The following OSBPL10 variants were observed in gnomAD, a reference collection of about 807,000 sequenced individuals.
The protein encoded by OSBPL10 is oxysterol-binding protein-related protein 10.
OSBPL10 carries 49 observed loss-of-function variants against 81.7 expected under a neutral mutation model. That is an observed-to-expected ratio of 0.60 (90% CI 0.48 to 0.76). The LOEUF (loss-of-function observed/expected upper bound fraction) is 0.76, where lower values mean the gene tolerates loss of function less well. Among genes scored for constraint, OSBPL10 ranks in the 30% least tolerant of loss-of-function variants. OSBPL10 has a pLI of 0.00. For synonymous variants in OSBPL10, 419 were observed against 383.6 expected (o/e 1.09, Z -1.08); for missense variants, 923 against 987.8 (o/e 0.93, Z 0.88).
intron 2 of OSBPL10, chr3:32,030,764 T>A: frequency 1.6e-6 from 1 of 625,396 alleles, no homozygotes; most frequent in Non-Finnish European, 2.8e-6. Flanking sequence ...TTAAGTTACA[T>A]AAAATATTCT....
intron 2 of OSBPL10, among the ~76,000 whole-genome samples, chr3:31,995,491 T>C (rs921310038): frequency 6.6e-6 from 1 of 152,204 alleles, no homozygotes; most frequent in African/African-American, 2.4e-5. Flanking sequence ...TCAGACCTTA[T>C]GGTTGTCTTC....
intron 1 of OSBPL10, among the ~76,000 whole-genome samples, chr3:31,948,760 A>C (rs1173086618): frequency 6.6e-6 from 1 of 152,168 alleles, no homozygotes; most frequent in African/African-American, 2.4e-5. Flanking sequence ...AAAGGCCCCC[A>C]AATCAAGTTT....
intron 2 of OSBPL10, among the ~76,000 whole-genome samples, chr3:32,020,030 G>A (rs1430781543): frequency 6.6e-6 from 1 of 152,186 alleles, no homozygotes; most frequent in African/African-American, 2.4e-5. Context: ...CCGAGTCAAT[G>A]AGCCTACAAT....
At chr3:31,931,132 T>A (rs1217533470) in intron 1 of OSBPL10, among the ~76,000 whole-genome samples, 1 of 151,806 alleles carries the variant, frequency 6.6e-6, no homozygotes, top group African/African-American at 2.4e-5. Flanking sequence ...CACTGGTGAT[T>A]ATCTTTGGAG....
chr3:31,695,128 C>T (rs987329045), intron 7 of OSBPL10, among the ~76,000 whole-genome samples: 21 of 152,158 alleles, frequency 1.4e-4, no homozygotes, highest in African/African-American at 4.1e-4. Flanking sequence ...ACCTCACCAC[C>T]GGAGCACAGC....
intron 1 of OSBPL10, among the ~76,000 whole-genome samples, chr3:31,958,115 C>T (rs890886616): frequency 3.9e-5 from 6 of 152,306 alleles, no homozygotes; most frequent in Middle Eastern, 3.4e-3. Context: ...CAGTAACTCT[C>T]GGGCCACCAG....
At chr3:31,999,148 G>A (rs2125529823) in intron 2 of OSBPL10, among the ~76,000 whole-genome samples, 1 of 152,246 alleles carries the variant, frequency 6.6e-6, no homozygotes, top group South Asian at 2.1e-4. Context: ...TGTCTGGAGG[G>A]CATCACTGTA....
chr3:31,990,768 G>A (rs1238384744), intron 2 of OSBPL10: 1 of 1,613,658 alleles, frequency 6.2e-7, no homozygotes. Context: ...ATACTGGAGA[G>A]AAACCTTACA....
intron 2 of OSBPL10, among the ~76,000 whole-genome samples, chr3:32,032,140 C>T (rs963742608): frequency 6.6e-6 from 1 of 152,014 alleles, no homozygotes; most frequent in African/African-American, 2.4e-5. Context: ...ATAAATAGGC[C>T]AGGCATGAAA....
At chr3:31,812,688 A>G (rs1699711555) in intron 4 of OSBPL10, among the ~76,000 whole-genome samples, 1 of 147,690 alleles carries the variant, frequency 6.8e-6, no homozygotes, top group Non-Finnish European at 1.5e-5. Flanking sequence ...TTCCAGAGGT[A>G]TGCTGGAATC....
intron 4 of OSBPL10, among the ~76,000 whole-genome samples, chr3:31,798,220 C>T (rs1018891974): frequency 6.6e-6 from 1 of 152,062 alleles, no homozygotes. Flanking sequence ...CACCTGAGGT[C>T]AGGAGTTTGA....
intron 1 of OSBPL10, among the ~76,000 whole-genome samples, chr3:31,893,548 TA>T: frequency 6.6e-6 from 1 of 152,180 alleles, no homozygotes; most frequent in South Asian, 2.1e-4. Flanking sequence ...AAACAGAAAT[TA>T]AAACAAATGT....
intron 3 of OSBPL10, among the ~76,000 whole-genome samples, chr3:31,849,189 A>T (rs1700702655): frequency 6.6e-6 from 1 of 152,210 alleles, no homozygotes; most frequent in African/African-American, 2.4e-5. Context: ...AGGCCCCCTG[A>T]CCCACTTGTC....
chr3:31,760,818 A>G (rs1337693555), intron 4 of OSBPL10, among the ~76,000 whole-genome samples: 2 of 152,192 alleles, frequency 1.3e-5, no homozygotes, highest in African/African-American at 2.4e-5. Context: ...ATATGCCACA[A>G]CTTATTGCCC....
At chr3:32,041,626 T>C (rs554039201) in intron 2 of OSBPL10, among the ~76,000 whole-genome samples, 111 of 103,870 alleles carry the variant, frequency 1.1e-3, no homozygotes, top group Non-Finnish European at 2.2e-3. Flanking sequence ...ACTGAGTTTC[T>C]TTCTTTCTTT....
chr3:31,684,718 G>A (rs1700747822), intron 7 of OSBPL10, among the ~76,000 whole-genome samples: 1 of 152,216 alleles, frequency 6.6e-6, no homozygotes, highest in African/African-American at 2.4e-5. Context: ...GACGGGGCAG[G>A]CCCATCAGCA....
chr3:31,790,428 C>G, intron 4 of OSBPL10, among the ~76,000 whole-genome samples: 1 of 152,172 alleles, frequency 6.6e-6, no homozygotes, highest in Admixed American at 6.5e-5. Context: ...GAAATGTGTC[C>G]TCAATCATCC....
At chr3:31,848,086 G>A (rs548537013) in intron 3 of OSBPL10, among the ~76,000 whole-genome samples, 31 of 152,170 alleles carry the variant, frequency 2.0e-4, no homozygotes, top group African/African-American at 6.5e-4. Flanking sequence ...CACAGGTGTC[G>A]CCAGTTTGTG....
At chr3:31,919,225 T>C (rs1180055422) in intron 1 of OSBPL10, among the ~76,000 whole-genome samples, 1 of 152,200 alleles carries the variant, frequency 6.6e-6, no homozygotes, top group Non-Finnish European at 1.5e-5. Flanking sequence ...TTTATAATGC[T>C]TTAGTATTAA....
Sources: allele counts gnomAD v4.1 joint callset (sites outside exome capture counted in the v4.1 genomes callset), GRCh38; gene constraint gnomAD v4.1.1; transcripts MANE v1.5; gene names NCBI Gene and HGNC (gene_info 2026-07-23, HGNC 2026-07-21).